ROBO2: variants seen among roughly 807,000 people sequenced by gnomAD.
The protein encoded by ROBO2 is roundabout guidance receptor 2, also known as roundabout homolog 2.
In ROBO2, 53 loss-of-function variants were observed where a neutral mutation model predicts 160.8. That is an observed-to-expected ratio of 0.33 (90% CI 0.26 to 0.41). ROBO2 has a LOEUF of 0.41. Among genes scored for constraint, ROBO2 ranks in the 10% least tolerant of loss-of-function variants. The pLI, the probability that ROBO2 is intolerant of heterozygous loss-of-function variation, is 1.00. For missense variants in ROBO2, 1,577 were observed against 1,722.4 expected (o/e 0.92, Z 1.49); for synonymous variants, 664 against 611.7 (o/e 1.09, Z -1.26).
chr3:76,390,825 CA>C (rs2077114293), intron 2 of ROBO2, among the ~76,000 whole-genome samples: 1 of 152,074 alleles, frequency 6.6e-6, no homozygotes, highest in Admixed American at 6.6e-5. Flanking sequence ...GTGGATTAGT[CA>C]TATCCCATCA....
At chr3:77,340,957 A>G (rs1451988858) in intron 2 of ROBO2, among the ~76,000 whole-genome samples, 6 of 152,168 alleles carry the variant, frequency 3.9e-5, no homozygotes, top group Non-Finnish European at 7.4e-5. Flanking sequence ...TATGGGCCAA[A>G]TCTGACCAAC....
At chr3:77,592,738 G>C (rs1055519719) in intron 17 of ROBO2, among the ~76,000 whole-genome samples, 8 of 152,062 alleles carry the variant, frequency 5.3e-5, no homozygotes, top group African/African-American at 1.7e-4. Context: ...TTTTAGTAGA[G>C]ACGGGGTTTC....
rs563651930 is a variant in ROBO2 at position 76,117,876 on chromosome 3, G to A, written c.109+180274G>A. ...CACAGGAAAAGAGAGAACTGGCATC[G>A]TCTCAGTGGCCAGGGAAGGTTTATT... On this transcript the variant is annotated intron_variant, in intron 2 of 26. Coordinates refer to the ROBO2 transcript ENST00000487694. Among the ~76,000 whole-genome samples, 25 of 152,184 alleles carry A rather than the reference G, an allele frequency of 1.6e-4. No homozygotes were observed. The East Asian group carries it at 1.7e-3, about 11-fold the overall frequency.
chr3:76,704,332 A>G (rs979299461), intron 2 of ROBO2, among the ~76,000 whole-genome samples: 2 of 152,112 alleles, frequency 1.3e-5, no homozygotes, highest in African/African-American at 4.8e-5. Flanking sequence ...TTCACTTCCA[A>G]TATCATCACT....
intron 2 of ROBO2, among the ~76,000 whole-genome samples, chr3:76,018,151 A>G (rs935027565): frequency 3.3e-5 from 5 of 152,046 alleles, no homozygotes; most frequent in African/African-American, 9.7e-5. Context: ...ATTACTGGGC[A>G]ATAGTTAAAA....
At chr3:75,943,497 T>C (rs1461966135) in intron 2 of ROBO2, among the ~76,000 whole-genome samples, 1 of 152,190 alleles carries the variant, frequency 6.6e-6, no homozygotes, top group Non-Finnish European at 1.5e-5. Flanking sequence ...AGATTTTGGT[T>C]GTATTTGAAA....
chr3:77,576,240 C>A (rs1583048508), intron 14 of ROBO2, among the ~76,000 whole-genome samples: 1 of 152,198 alleles, frequency 6.6e-6, no homozygotes, highest in African/African-American at 2.4e-5. Flanking sequence ...ACTCTATTAA[C>A]ATGTTGCTGT....
chr3:76,971,393 C>A (rs991726517), intron 2 of ROBO2, among the ~76,000 whole-genome samples: 1 of 152,114 alleles, frequency 6.6e-6, no homozygotes, highest in African/African-American at 2.4e-5. Flanking sequence ...AAGGGTTCAA[C>A]TGGCTAACCC....
intron 2 of ROBO2, among the ~76,000 whole-genome samples, chr3:76,730,081 T>C (rs9835871): frequency 0.027 from 4,095 of 152,200 alleles, 164 homozygotes; most frequent in African/African-American, 0.088. Flanking sequence ...ATTAGTATTA[T>C]CCTTTCTGAT....
At chr3:76,865,632 A>G (rs1194903527) in intron 2 of ROBO2, among the ~76,000 whole-genome samples, 2 of 152,114 alleles carry the variant, frequency 1.3e-5, no homozygotes, top group Non-Finnish European at 2.9e-5. Flanking sequence ...TGACCTCACC[A>G]TTTATTCCAG....
At chr3:76,086,775 T>C (rs533665933) in intron 2 of ROBO2, among the ~76,000 whole-genome samples, 1 of 152,240 alleles carries the variant, frequency 6.6e-6, no homozygotes, top group East Asian at 1.9e-4. Context: ...ATGATCAATA[T>C]GCTAAGGGCT....
At chr3:76,095,428 T>A (rs532184324) in intron 2 of ROBO2, among the ~76,000 whole-genome samples, 34 of 151,788 alleles carry the variant, frequency 2.2e-4, no homozygotes, top group Admixed American at 4.6e-4. Flanking sequence ...AGAAAAAAAA[T>A]TAAATTTGTT....
At chr3:76,215,367 T>C (rs953630720) in intron 2 of ROBO2, among the ~76,000 whole-genome samples, 1 of 152,018 alleles carries the variant, frequency 6.6e-6, no homozygotes, top group Non-Finnish European at 1.5e-5. Flanking sequence ...TACTCCGATC[T>C]AAAGGAGGAA....
intron 2 of ROBO2, among the ~76,000 whole-genome samples, chr3:77,133,617 G>A (rs1025282945): frequency 3.4e-5 from 5 of 147,714 alleles, no homozygotes; most frequent in Admixed American, 2.0e-4. Flanking sequence ...AACACATTCC[G>A]TCCTGGGATT....
chr3:76,539,959 C>T (rs2082726487), intron 2 of ROBO2, among the ~76,000 whole-genome samples: 2 of 152,154 alleles, frequency 1.3e-5, no homozygotes, highest in African/African-American at 4.8e-5. Flanking sequence ...AGTTTTTGGA[C>T]CCTGCTGGAG....
At chr3:76,273,740 G>A (rs1462612947) in intron 2 of ROBO2, among the ~76,000 whole-genome samples, 2 of 152,050 alleles carry the variant, frequency 1.3e-5, no homozygotes, top group Admixed American at 6.6e-5. Context: ...GGAGGTAACC[G>A]CCCCTGTGAT....
intron 2 of ROBO2, among the ~76,000 whole-genome samples, chr3:76,030,526 G>T (rs1002662294): frequency 4.6e-5 from 7 of 152,002 alleles, no homozygotes; most frequent in South Asian, 2.1e-4. Flanking sequence ...TTTAATCCAT[G>T]TTGAATTAGT....
intron 2 of ROBO2, among the ~76,000 whole-genome samples, chr3:77,287,256 A>C (rs2060671028): frequency 6.6e-6 from 1 of 152,154 alleles, no homozygotes; most frequent in African/African-American, 2.4e-5. Context: ...TGCCCTTGCA[A>C]AAAAATCTTA....
At chr3:77,324,126 A>G (rs2065106802) in intron 2 of ROBO2, among the ~76,000 whole-genome samples, 1 of 152,184 alleles carries the variant, frequency 6.6e-6, no homozygotes, top group East Asian at 1.9e-4. Flanking sequence ...ACAGACTATA[A>G]CCCAGTTCTA....
Sources: allele counts gnomAD v4.1 joint callset (sites outside exome capture counted in the v4.1 genomes callset), GRCh38; gene constraint gnomAD v4.1.1; transcripts MANE v1.5; gene names NCBI Gene and HGNC (gene_info 2026-07-23, HGNC 2026-07-21).